The following GREB1L variants were observed in gnomAD, a reference collection of about 807,000 sequenced individuals.
The protein encoded by GREB1L is GREB1 like retinoic acid receptor coactivator, also known as GREB1-like protein.
A neutral mutation model predicts 200.8 loss-of-function variants in GREB1L; 17 were observed. That is an observed-to-expected ratio of 0.08 (90% CI 0.06 to 0.13). The LOEUF is 0.13. GREB1L is among the 10% of genes least tolerant of loss of function. The probability of loss-of-function intolerance (pLI) is 1.00; values close to 1 mark genes in which losing one functional copy is unlikely to be tolerated. For missense variants in GREB1L, 1,657 were observed against 2,367.7 expected, an observed-to-expected ratio of 0.70 and a Z score of 6.23; for synonymous variants, 789 against 893.0, an observed-to-expected ratio of 0.88 and a Z score of 2.08.
intron 4 of GREB1L, among the ~76,000 whole-genome samples, chr18:21,390,879 T>G (rs1227114037): frequency 6.6e-6 from 1 of 152,094 alleles, no homozygotes; most frequent in African/African-American, 2.4e-5. Context: ...AAACAAAAAT[T>G]TTAATACAAA....
At chr18:21,306,873 T>G (rs2038709689) in intron 1 of GREB1L, among the ~76,000 whole-genome samples, 1 of 152,230 alleles carries the variant, frequency 6.6e-6, no homozygotes, top group South Asian at 2.1e-4. Flanking sequence ...TTGCTGCTCT[T>G]TGCTGATAAA....
intron 1 of GREB1L, among the ~76,000 whole-genome samples, chr18:21,244,443 C>T (rs950460733): frequency 3.3e-5 from 5 of 152,168 alleles, no homozygotes; most frequent in Admixed American, 1.3e-4. Flanking sequence ...TAATTCTAGG[C>T]CTGGATTTGC....
chr18:21,269,369 A>G (rs187788361), intron 1 of GREB1L, among the ~76,000 whole-genome samples: 69 of 152,310 alleles, frequency 4.5e-4, no homozygotes, highest in African/African-American at 1.6e-3. Context: ...TTTCTTCTCA[A>G]AGATGTTTTA....
At chr18:21,403,838 C>T in intron 6 of GREB1L, 34 bp from the exon 7 acceptor site, 1 of 1,534,092 alleles carries the variant, frequency 6.5e-7, no homozygotes, top group East Asian at 2.5e-5. Context: ...GAACATTGGT[C>T]ACTTCATACA....
chr18:21,523,185 T>C lies in GREB1L; in HGVS notation c.*364T>C. On this transcript the variant is annotated 3_prime_UTR_variant, in exon 33 of 33. Transcript: ENST00000424526. ...AACTGACTGTCAGGATTAACTAGCC[T>C]GAATGTGTTACATGAGACTCATGCC... The C allele has an allele frequency of 6.0e-6, 1 of 167,084 alleles. No individual in the cohort carries two copies. The highest frequency in any genetic ancestry group is 1.3e-5 in the Non-Finnish European group (1 of 77,858). 10.4% of individuals were successfully genotyped at this position (167,084 alleles called of 1,614,324 possible). A position where few individuals can be genotyped will look rare whatever the true frequency, so the allele number is the denominator to read the frequency against.
intron 1 of GREB1L, among the ~76,000 whole-genome samples, chr18:21,338,174 C>T (rs1052383082): frequency 2.0e-5 from 3 of 152,126 alleles, no homozygotes; most frequent in Admixed American, 2.0e-4. Flanking sequence ...AATCCATCAA[C>T]CCTTTCTGGG....
intron 15 of GREB1L, among the ~76,000 whole-genome samples, chr18:21,460,247 T>C (rs2034984758): frequency 6.6e-6 from 1 of 152,230 alleles, no homozygotes; most frequent in African/African-American, 2.4e-5. Flanking sequence ...TGATCTCGGC[T>C]CACTGCAACC....
intron 17 of GREB1L, among the ~76,000 whole-genome samples, chr18:21,478,939 T>A (rs1317954555): frequency 6.6e-6 from 1 of 152,188 alleles, no homozygotes; most frequent in Non-Finnish European, 1.5e-5. Context: ...TGGAGTGCAG[T>A]GGTGCGAAGT....
Position 21,451,987 on chromosome 18 carries a change from C to G in GREB1L, c.1850-96C>G, listed in dbSNP as rs941234304. 135 of 1,140,866 alleles carry G rather than the reference C, an allele frequency of 1.2e-4. 1 individual carries two copies. In the African/African-American group the frequency reaches 2.0e-3, roughly 17 times the overall value. The allele number at this position is 1,140,866 out of a possible 1,614,324, so 70.7% of individuals were successfully genotyped here. Reference sequence around the variant, plus strand: ...ATGAATTGCTGGCTGACCAACAAATCTACTGAGAACAGCCTAACTGCCCAA... The same window carrying G: ...ATGAATTGCTGGCTGACCAACAAATGTACTGAGAACAGCCTAACTGCCCAA... On this transcript the variant is annotated intron_variant, in intron 13 of 32. Transcript: ENST00000424526.
chr18:21,515,727 T>C lies in GREB1L; in HGVS notation c.5129+83T>C, dbSNP rs1241805179. ...GCTCTAGCCTCTGTAATGCTTTTAT[T>C]CGTATGTCTTCAGTTGAGAAGCTGA... On this transcript the variant is annotated intron_variant, in intron 29 of 32. Coordinates refer to ENST00000424526, the MANE Select transcript of GREB1L (RefSeq NM_001142966.3). The C allele has an allele frequency of 6.2e-6, 6 of 969,992 alleles. No homozygotes were observed. In the East Asian group the frequency reaches 7.8e-5, roughly 13 times the overall value. The allele number at this position is 969,992 out of a possible 1,614,324, so 60.1% of individuals were successfully genotyped here.
At chr18:21,247,588 G>A (rs1423634339) in intron 1 of GREB1L, among the ~76,000 whole-genome samples, 1 of 152,048 alleles carries the variant, frequency 6.6e-6, no homozygotes, top group African/African-American at 2.4e-5. Context: ...CCAACTTTTT[G>A]TGTGCTTAGG....
chr18:21,268,740 G>A (rs893470575), intron 1 of GREB1L, among the ~76,000 whole-genome samples: 3 of 151,196 alleles, frequency 2.0e-5, no homozygotes, highest in Non-Finnish European at 4.4e-5. Flanking sequence ...TAGGACTACA[G>A]GTGCACCCAC....
chr18:21,350,435 C>T lies in GREB1L; in HGVS notation c.-119-15592C>T, dbSNP rs184541287. ...TGTATTTTTAGTAGACATGGGGTTT[C>T]ACCATGTTGGCCAGGCGTGTCTTGA... On this transcript the variant is annotated intron_variant, in intron 1 of 32. Transcript: ENST00000424526. 1.2e-3 allele frequency among the ~76,000 whole-genome samples: 179 copies of T among 152,022 alleles called. 4 individuals carry two copies. The highest frequency in any genetic ancestry group is 0.012 in the Admixed American group (178 of 15,260).
intron 15 of GREB1L, among the ~76,000 whole-genome samples, chr18:21,459,371 C>T (rs763032055): frequency 1.3e-5 from 2 of 149,900 alleles, no homozygotes; most frequent in South Asian, 2.1e-4. Context: ...CTGCAACCTC[C>T]GCCCTTCAGG....
chr18:21,488,718 A>G (rs1370852823), intron 18 of GREB1L, among the ~76,000 whole-genome samples: 1 of 152,132 alleles, frequency 6.6e-6, no homozygotes, highest in Non-Finnish European at 1.5e-5. Context: ...GTGCAATGGC[A>G]TGATCTCGGC....
intron 7 of GREB1L, among the ~76,000 whole-genome samples, chr18:21,428,326 T>G: frequency 7.1e-6 from 1 of 140,198 alleles, no homozygotes; most frequent in Admixed American, 7.6e-5. Flanking sequence ...GTTTTTGTCT[T>G]TTTGTCTTTT....
intron 4 of GREB1L, among the ~76,000 whole-genome samples, chr18:21,393,138 T>C (rs1174862055): frequency 6.6e-6 from 1 of 152,188 alleles, no homozygotes; most frequent in Non-Finnish European, 1.5e-5. Context: ...CATTCAATTA[T>C]CTGTTGACAC....
At chr18:21,465,037 CA>C (rs2035213029) in intron 15 of GREB1L, among the ~76,000 whole-genome samples, 1 of 151,578 alleles carries the variant, frequency 6.6e-6, no homozygotes, top group Non-Finnish European at 1.5e-5. Flanking sequence ...GTTAAGTAAA[CA>C]TTATGGAATG....
chr18:21,480,529 G>GA (rs1185038661), intron 17 of GREB1L, among the ~76,000 whole-genome samples: 26 of 151,940 alleles, frequency 1.7e-4, no homozygotes, highest in Non-Finnish European at 3.4e-4. Flanking sequence ...GGGATAAAGG[G>GA]AAAAAAAGCA....
Sources: gnomAD v4.1 joint callset for allele counts (sites outside exome capture counted in the v4.1 genomes callset) on GRCh38, gnomAD v4.1.1 for gene constraint, MANE v1.5 for transcripts, NCBI Gene and HGNC (gene_info 2026-07-23, HGNC 2026-07-21) for gene names.